CTNNA3: variants seen among roughly 807,000 people sequenced by gnomAD.
CTNNA3 encodes catenin alpha-3.
In CTNNA3, 76 loss-of-function variants were observed where a neutral mutation model predicts 95.7. The observed-to-expected ratio is 0.79, with a 90% CI of 0.66 to 0.96. The LOEUF (loss-of-function observed/expected upper bound fraction) is 0.96, where lower values mean the gene tolerates loss of function less well. Among genes scored for constraint, CTNNA3 ranks in the 40% least tolerant of loss-of-function variants. The pLI is 0.00. For missense variants in CTNNA3, 1,191 were observed against 1,089.8 expected (o/e 1.09, Z -1.31); for synonymous variants, 431 against 374.4 (o/e 1.15, Z -1.74).
In CTNNA3 at chr10:67,219,679, T is replaced by C; in HGVS notation, c.771A>G (p.Gln257=). The C allele has an allele frequency of 6.2e-7, 1 of 1,614,178 alleles. No individual in the cohort carries two copies. Among genetic ancestry groups the C allele is most frequent in the Non-Finnish European group, 8.5e-7 (1 of 1,180,012 alleles). ...NALNVISNAS[Q]GIQNMTTPPE... The stretch of plus-strand genomic sequence containing the variant: ...GTGGGGTTGTCATATTCTGGATCCC[T>C]TGTGAAGCATTTGAAATTACATTGA... The change falls in exon 6 of 18, where the codon CAA becomes CAG. Residue 257 remains glutamine (Q), a synonymous_variant. Transcript: ENST00000433211.
At chr10:67,372,284 A>C in intron 5 of CTNNA3, among the ~76,000 whole-genome samples, 1 of 152,106 alleles carries the variant, frequency 6.6e-6, no homozygotes. Context: ...TTGGTGTTTT[A>C]GACATGAAGT....
At chr10:66,887,713 T>A (rs1413482525) in intron 7 of CTNNA3, among the ~76,000 whole-genome samples, 1 of 152,162 alleles carries the variant, frequency 6.6e-6, no homozygotes, top group Non-Finnish European at 1.5e-5. Flanking sequence ...CCTGAATCCC[T>A]ATGGGTTTAA....
chr10:67,115,495 A>G (rs1219745795), intron 7 of CTNNA3, among the ~76,000 whole-genome samples: 1 of 151,542 alleles, frequency 6.6e-6, no homozygotes, highest in African/African-American at 2.4e-5. Flanking sequence ...TAATAATAAT[A>G]AAAAAATAAA....
rs746617151 is a variant in CTNNA3, at chr10:67,468,020, CT to C, written c.579+53821del. 9.1e-3 allele frequency among the ~76,000 whole-genome samples: 1,289 copies of C among 141,960 alleles called. 3 individuals carry two copies. Among genetic ancestry groups the C allele is most frequent in the Non-Finnish European group, 9.1e-3 (589 of 64,596 alleles). 93.1% of individuals were successfully genotyped at this position (141,960 alleles called of 152,430 possible). On this transcript the variant is annotated intron_variant, in intron 5 of 17. Coordinates refer to ENST00000433211, the MANE Select transcript of CTNNA3 (RefSeq NM_013266.4). Reference sequence around the variant, plus strand: ...GCCACTGTGCCTAGCCTCCAACTTTCTTTTTTTTTTTTTTAACTTTAAGTTC... The same window carrying C: ...GCCACTGTGCCTAGCCTCCAACTTTCTTTTTTTTTTTTTAACTTTAAGTTC...
At chr10:67,123,428 A>T (rs1159320750) in intron 7 of CTNNA3, among the ~76,000 whole-genome samples, 3 of 152,218 alleles carry the variant, frequency 2.0e-5, no homozygotes, top group Non-Finnish European at 4.4e-5. Flanking sequence ...TCACCACTGC[A>T]GCATAATACA....
Position 66,433,189 on chromosome 10 carries a change from G to A in CTNNA3, c.1532-53837C>T, listed in dbSNP as rs150282336. 4.9e-3 allele frequency among the ~76,000 whole-genome samples: 747 copies of A among 152,064 alleles called. 6 individuals carry two copies. Among genetic ancestry groups the A allele is most frequent in the African/African-American group, 0.012 (497 of 41,510 alleles). On this transcript the variant is annotated intron_variant, in intron 11 of 17. Transcript: ENST00000433211. ...ACTAATGGGATTGCTGGGTCAAATG[G>A]CATTTCTGGTTTTAGATCCCTGAGG...
At chr10:66,786,025 T>A (rs1840726619) in intron 7 of CTNNA3, among the ~76,000 whole-genome samples, 1 of 152,134 alleles carries the variant, frequency 6.6e-6, no homozygotes, top group Non-Finnish European at 1.5e-5. Flanking sequence ...GTAAGTTGGT[T>A]GTGTCTGTCT....
intron 1 of CTNNA3, among the ~76,000 whole-genome samples, chr10:67,695,654 C>T (rs896375625): frequency 9.2e-5 from 14 of 152,190 alleles, no homozygotes; most frequent in Admixed American, 2.0e-4. Flanking sequence ...CTTTTCCCCA[C>T]TCCCATGCCA....
At chr10:66,417,580 T>A (rs2093157791) in intron 11 of CTNNA3, among the ~76,000 whole-genome samples, 1 of 152,022 alleles carries the variant, frequency 6.6e-6, no homozygotes, top group African/African-American at 2.4e-5. Context: ...ATACACATTA[T>A]TTTCATAATC....
At chr10:66,986,716 A>G (rs1376538878) in intron 7 of CTNNA3, among the ~76,000 whole-genome samples, 1 of 152,134 alleles carries the variant, frequency 6.6e-6, no homozygotes, top group Non-Finnish European at 1.5e-5. Flanking sequence ...CAGGCTAATC[A>G]GGTTGATTTA....
intron 7 of CTNNA3, among the ~76,000 whole-genome samples, chr10:67,160,552 C>T (rs1861494583): frequency 2.0e-5 from 3 of 151,494 alleles, no homozygotes; most frequent in African/African-American, 4.9e-5. Context: ...ATCCTCCCAC[C>T]TCAGCCTCCC....
intron 15 of CTNNA3, among the ~76,000 whole-genome samples, chr10:66,044,897 A>G (rs2079795093): frequency 6.6e-6 from 1 of 152,186 alleles, no homozygotes; most frequent in Admixed American, 6.5e-5. Context: ...TTCTTTCCTC[A>G]TTTTAATAAT....
chr10:66,833,559 G>A (rs1315086027), intron 7 of CTNNA3, among the ~76,000 whole-genome samples: 2 of 152,074 alleles, frequency 1.3e-5, no homozygotes, highest in South Asian at 2.1e-4. Context: ...TGTAGATTAG[G>A]AAACTAAGTT....
At chr10:67,682,993 C>T (rs7081967) in intron 1 of CTNNA3, among the ~76,000 whole-genome samples, 35,945 of 152,078 alleles carry the variant, frequency 0.24, 5,091 homozygotes, top group East Asian at 0.51. Flanking sequence ...ACAAGATCAA[C>T]CTGCATAACA....
chr10:67,008,343 C>T lies in CTNNA3; in HGVS notation c.1047+171974G>A, dbSNP rs77378784. Among the ~76,000 whole-genome samples, 1,197 of 152,092 alleles carry T rather than the reference C, an allele frequency of 7.9e-3. 41 individuals carry two copies. The East Asian group carries it at 0.11, about 14-fold the overall frequency. Reference sequence around the variant, plus strand: ...CATAGTGCTCATGGTTTTTAATTTTCGTTCTGAATTTACATTGATTAAAGA... The same window carrying T: ...CATAGTGCTCATGGTTTTTAATTTTTGTTCTGAATTTACATTGATTAAAGA... On this transcript the variant is annotated intron_variant, in intron 7 of 17. Coordinates refer to ENST00000433211, the MANE Select transcript of CTNNA3 (RefSeq NM_013266.4).
At chr10:66,113,138 T>A (rs2082181315) in intron 13 of CTNNA3, among the ~76,000 whole-genome samples, 1 of 152,180 alleles carries the variant, frequency 6.6e-6, no homozygotes, top group African/African-American at 2.4e-5. Context: ...ACTTATCTTT[T>A]CTGTGGCTGT....
chr10:66,426,172 G>A lies in CTNNA3; in HGVS notation c.1532-46820C>T, dbSNP rs77799335. ...ACTTAGAGCTATTATGGTCATTTCC[G>A]TATTTGTTCTTTTTCCAACTTTTGG... On this transcript the variant is annotated intron_variant, in intron 11 of 17. Transcript: ENST00000433211. Among the ~76,000 whole-genome samples the A allele has an allele frequency of 3.1e-3, 476 of 151,976 alleles. 1 individual carries two copies. The highest frequency in any genetic ancestry group is 0.011 in the African/African-American group (452 of 41,480).
chr10:66,837,163 C>T (rs1053463687), intron 7 of CTNNA3, among the ~76,000 whole-genome samples: 2 of 152,084 alleles, frequency 1.3e-5, no homozygotes, highest in Non-Finnish European at 2.9e-5. Flanking sequence ...AGAGAGTCTC[C>T]TTACCTTGAA....
chr10:66,512,388 G>A (rs746078539), intron 11 of CTNNA3, among the ~76,000 whole-genome samples: 6 of 152,020 alleles, frequency 3.9e-5, no homozygotes, highest in Non-Finnish European at 5.9e-5. Flanking sequence ...TTGATAAGAT[G>A]AGGATTTATT....
Sources: allele counts gnomAD v4.1 joint callset (sites outside exome capture counted in the v4.1 genomes callset), GRCh38; gene constraint gnomAD v4.1.1; transcripts MANE v1.5; gene names NCBI Gene and HGNC (gene_info 2026-07-23, HGNC 2026-07-21).